KIF16B: variants seen among roughly 807,000 people sequenced by gnomAD.
KIF16B encodes the protein kinesin-like protein KIF16B.
KIF16B carries 98 observed loss-of-function variants against 156.3 expected under a neutral mutation model. The observed-to-expected ratio is 0.63, with a 90% CI of 0.53 to 0.74. The LOEUF (loss-of-function observed/expected upper bound fraction) is 0.74, where lower values mean the gene tolerates loss of function less well. Among genes scored for constraint, KIF16B ranks in the 30% least tolerant of loss-of-function variants. The pLI is 0.00. For missense variants in KIF16B, 1,421 were observed against 1,606.5 expected (o/e 0.88, Z 1.97); for synonymous variants, 564 against 583.7 (o/e 0.97, Z 0.49).
intron 10 of KIF16B, among the ~76,000 whole-genome samples, chr20:16,504,163 T>A (rs1446573711): frequency 6.6e-6 from 1 of 152,184 alleles, no homozygotes; most frequent in Non-Finnish European, 1.5e-5. Context: ...TCAGGTTTAG[T>A]GGATAAAATC....
intron 25 of KIF16B, among the ~76,000 whole-genome samples, chr20:16,284,486 A>G (rs2063193762): frequency 6.6e-6 from 1 of 152,046 alleles, no homozygotes; most frequent in South Asian, 2.1e-4. Flanking sequence ...TATTATCCCA[A>G]ATGAAACAAT....
rs149339427 is a variant in KIF16B, at chr20:16,508,027, G to A, written c.630C>T (p.Thr210=). ...CGTCGTTCATCCCAGTCGCTGCGGT[G>A]GTCCGGTTGATATTGCCCGCATCCA... ...ELMDAGNINR[T]TAATGMNDVS... Residue 210 remains threonine, a synonymous_variant, in exon 7 of 26, where the codon ACC becomes ACT. Transcript: ENST00000354981. 6.2e-7 allele frequency: 1 copy of A among 1,614,090 alleles called. No homozygotes were observed. Among genetic ancestry groups the A allele is most frequent in the Non-Finnish European group, 8.5e-7 (1 of 1,179,974 alleles).
chr20:16,319,639 C>T lies in KIF16B; in HGVS notation c.3712-7221G>A, dbSNP rs188941625. Among the ~76,000 whole-genome samples the T allele has an allele frequency of 4.0e-3, 611 of 152,256 alleles. 2 individuals are homozygous for T. Among genetic ancestry groups the T allele is most frequent in the Non-Finnish European group, 6.3e-3 (430 of 68,014 alleles). On this transcript the variant is annotated intron_variant, in intron 24 of 25. Coordinates refer to ENST00000354981, the MANE Select transcript of KIF16B (RefSeq NM_024704.5). ...GGTAGAAACACTATGAACAGTAATT[C>T]CAGAATCTCTGGAGGCTCAAATATA...
intron 12 of KIF16B, among the ~76,000 whole-genome samples, chr20:16,468,756 C>G (rs529633779): frequency 9.9e-5 from 15 of 152,096 alleles, no homozygotes; most frequent in African/African-American, 3.1e-4. Context: ...AGATTTCCAA[C>G]ACTCCTCTAT....
At chr20:16,318,536 A>G (rs924474724) in intron 24 of KIF16B, among the ~76,000 whole-genome samples, 3 of 152,220 alleles carry the variant, frequency 2.0e-5, no homozygotes, top group Non-Finnish European at 4.4e-5. Flanking sequence ...CTTGAAAACA[A>G]AAACACAAGA....
rs2066950792 is a variant in KIF16B, at chr20:16,447,018, A to T, written c.1303-17036T>A. On this transcript the variant is annotated intron_variant, in intron 12 of 25. Coordinates refer to ENST00000354981, the MANE Select transcript of KIF16B (RefSeq NM_024704.5). ...TTCTTCCCAGTGCTGAGCACAGGGCAGGCACTCAAATATAAAATGACTGCT... is the reference window on the plus strand; with the variant it reads ...TTCTTCCCAGTGCTGAGCACAGGGCTGGCACTCAAATATAAAATGACTGCT... Among the ~76,000 whole-genome samples the T allele has an allele frequency of 2.6e-5, 4 of 152,200 alleles. No homozygotes were observed. The South Asian group carries it at 8.3e-4, about 31-fold the overall frequency.
In KIF16B at chr20:16,506,164, A is replaced by G. The variant is rs144071997; in HGVS notation, c.726T>C (p.Cys242=). Residue 242 remains cysteine (C), a synonymous_variant, in exon 8 of 26, where the codon TGT becomes TGC. Coordinates refer to ENST00000354981, the MANE Select transcript of KIF16B (RefSeq NM_024704.5). The part of the protein sequence containing the change: ...TQAKFDSEMP[C]ETVSKIHLVD... Reference sequence around the variant, plus strand: ...CCAAGTGGATCTTACTGACGGTTTCACATGGCATTTCAGAATCAAATTTAG... The same window carrying G: ...CCAAGTGGATCTTACTGACGGTTTCGCATGGCATTTCAGAATCAAATTTAG... 2 of 1,614,056 alleles carry G rather than the reference A, an allele frequency of 1.2e-6. No homozygotes were observed. The highest frequency in any genetic ancestry group is 2.7e-5 in the African/African-American group (2 of 74,942).
In KIF16B at chr20:16,423,990, C is replaced by T. The variant is rs576483195; in HGVS notation, c.1612+3114G>A. ...ATCTGCCAACCAATTATGGTCACTT[C>T]CTGGGCTAAAGGCAGAGACAGCCTC... is the stretch of plus-strand genomic sequence containing the variant. On this transcript the variant is annotated intron_variant, in intron 15 of 25. Coordinates refer to ENST00000354981, the MANE Select transcript of KIF16B (RefSeq NM_024704.5). 3.4e-4 allele frequency among the ~76,000 whole-genome samples: 51 copies of T among 152,198 alleles called. No homozygotes were observed. The South Asian group carries it at 6.2e-3, about 19-fold the overall frequency.
At chr20:16,536,545 C>A (rs1056654588) in intron 1 of KIF16B, among the ~76,000 whole-genome samples, 2 of 152,108 alleles carry the variant, frequency 1.3e-5, no homozygotes, top group Non-Finnish European at 2.9e-5. Flanking sequence ...ATCCCAAATA[C>A]TTTATTACAT....
At chr20:16,388,801 G>C (rs2065287451) in intron 17 of KIF16B, among the ~76,000 whole-genome samples, 1 of 152,074 alleles carries the variant, frequency 6.6e-6, no homozygotes, top group Non-Finnish European at 1.5e-5. Flanking sequence ...GAGAAAGAAG[G>C]GAGGAGAGAG....
intron 9 of KIF16B, 127 bp from the exon 10 acceptor site, chr20:16,504,674 A>G (rs1338685197): frequency 1.5e-6 from 1 of 659,064 alleles, no homozygotes; most frequent in East Asian, 2.7e-5. Flanking sequence ...TCATTGCCAC[A>G]GTAATGAATA....
intron 12 of KIF16B, among the ~76,000 whole-genome samples, chr20:16,492,775 C>A (rs2068333375): frequency 6.6e-6 from 1 of 152,060 alleles, no homozygotes; most frequent in Admixed American, 6.5e-5. Flanking sequence ...TGCTAATGGG[C>A]ACTATGTATA....
At chr20:16,390,457 A>C (rs1049511692) in intron 17 of KIF16B, among the ~76,000 whole-genome samples, 22 of 152,158 alleles carry the variant, frequency 1.4e-4, no homozygotes, top group African/African-American at 4.6e-4. Flanking sequence ...AGACACTTGA[A>C]ATAGATCATA....
intron 12 of KIF16B, among the ~76,000 whole-genome samples, chr20:16,446,112 C>T (rs2146563402): frequency 6.6e-6 from 1 of 152,102 alleles, no homozygotes; most frequent in East Asian, 1.9e-4. Context: ...AGTGTAAGAG[C>T]CAGAAAAAAG....
At chr20:16,418,958 C>A (rs2066159197) in intron 15 of KIF16B, among the ~76,000 whole-genome samples, 2 of 152,046 alleles carry the variant, frequency 1.3e-5, no homozygotes, top group Admixed American at 1.3e-4. Flanking sequence ...ATAAAGCTCT[C>A]CTTTCCAAAT....
intron 10 of KIF16B, among the ~76,000 whole-genome samples, chr20:16,502,977 G>A (rs141603866): frequency 9.5e-4 from 144 of 152,280 alleles, no homozygotes; most frequent in African/African-American, 3.3e-3. Flanking sequence ...CACTTTGGGA[G>A]GCCAAGGCGG....
chr20:16,396,648 CTTTT>C (rs11476845), intron 17 of KIF16B, among the ~76,000 whole-genome samples: 3 of 124,662 alleles, frequency 2.4e-5, no homozygotes, highest in Non-Finnish European at 3.5e-5. Context: ...ACTGTAGTCG[CTTTT>C]TTTTTTTTTT....
At chr20:16,458,175 T>C (rs1600450288) in intron 12 of KIF16B, among the ~76,000 whole-genome samples, 1 of 152,086 alleles carries the variant, frequency 6.6e-6, no homozygotes, top group African/African-American at 2.4e-5. Flanking sequence ...AAGATGAATA[T>C]CAATGAAAGA....
chr20:16,405,203 C>A (rs943766400), intron 16 of KIF16B, among the ~76,000 whole-genome samples: 1 of 152,136 alleles, frequency 6.6e-6, no homozygotes, highest in African/African-American at 2.4e-5. Context: ...AAAGGGGTCA[C>A]AATATCTTTG....
Sources: allele counts gnomAD v4.1 joint callset (sites outside exome capture counted in the v4.1 genomes callset), GRCh38; gene constraint gnomAD v4.1.1; transcripts MANE v1.5; gene names NCBI Gene and HGNC (gene_info 2026-07-23, HGNC 2026-07-21).